Variants in EXOC4 observed in about 807,000 individuals in gnomAD.
The protein encoded by EXOC4 is SEC8-like 1.
A neutral mutation model predicts 107.2 loss-of-function variants in EXOC4; 71 were observed. The observed-to-expected ratio is 0.66, with a 90% CI of 0.55 to 0.81. The LOEUF (loss-of-function observed/expected upper bound fraction) is 0.81, where lower values mean the gene tolerates loss of function less well. Among genes scored for constraint, EXOC4 ranks in the 30% least tolerant of loss-of-function variants. The probability of loss-of-function intolerance (pLI) is 0.00; values close to 1 mark genes in which losing one functional copy is unlikely to be tolerated. For synonymous variants in EXOC4, 456 were observed against 441.2 expected (o/e 1.03, Z -0.42); for missense variants, 1,108 against 1,189.6 (o/e 0.93, Z 1.01).
intron 10 of EXOC4, among the ~76,000 whole-genome samples, chr7:133,798,500 C>T (rs935174245): frequency 1.3e-5 from 2 of 148,924 alleles, no homozygotes; most frequent in African/African-American, 4.9e-5. Flanking sequence ...TACCATATTT[C>T]AGACACTGTT....
intron 14 of EXOC4, among the ~76,000 whole-genome samples, chr7:133,966,873 A>G (rs374196594): frequency 2.0e-4 from 31 of 151,896 alleles, no homozygotes; most frequent in African/African-American, 6.3e-4. Flanking sequence ...CTCTTTTTCT[A>G]TTGTTTGGAA....
intron 9 of EXOC4, chr7:133,551,699 G>T (rs1237227867): frequency 6.6e-6 from 1 of 152,082 alleles, no homozygotes; most frequent in African/African-American, 2.4e-5. Flanking sequence ...TGCTTTTGGG[G>T]TTTATACCAC....
chr7:133,453,990 G>A (rs1464021392), intron 7 of EXOC4, among the ~76,000 whole-genome samples: 1 of 152,112 alleles, frequency 6.6e-6, no homozygotes, highest in Admixed American at 6.5e-5. Flanking sequence ...TTGCTTCCTA[G>A]TTGAGATCAA....
intron 9 of EXOC4, among the ~76,000 whole-genome samples, chr7:133,555,790 G>A (rs978390501): frequency 1.3e-5 from 2 of 152,132 alleles, no homozygotes; most frequent in Non-Finnish European, 2.9e-5. Context: ...TTGAATTTTT[G>A]TACCTTGTAT....
chr7:133,834,368 C>T lies in EXOC4; in HGVS notation c.1734+16824C>T, dbSNP rs190349903. Among the ~76,000 whole-genome samples the T allele has an allele frequency of 1.6e-4, 24 of 152,250 alleles. No individual in the cohort carries two copies. In the East Asian group the frequency reaches 4.4e-3, roughly 28 times the overall value. ...CTCTCCACTTCCTTTTAAGTGCCCA[C>T]CTTATCTTAAAAAAATCAAATGTTT... On this transcript the variant is annotated intron_variant, in intron 11 of 17. Transcript: ENST00000253861.
chr7:133,370,961 G>A (rs968886637), intron 6 of EXOC4, among the ~76,000 whole-genome samples: 3 of 152,110 alleles, frequency 2.0e-5, no homozygotes, highest in East Asian at 1.9e-4. Flanking sequence ...TTTTCATAAC[G>A]AAAGATGTAG....
intron 9 of EXOC4, among the ~76,000 whole-genome samples, chr7:133,609,059 T>A (rs1192508636): frequency 6.6e-6 from 1 of 152,186 alleles, no homozygotes; most frequent in African/African-American, 2.4e-5. Flanking sequence ...CCAGTCATTT[T>A]GTCATTTTAC....
chr7:133,321,721 A>G (rs1381972254), intron 5 of EXOC4, among the ~76,000 whole-genome samples: 1 of 152,168 alleles, frequency 6.6e-6, no homozygotes, highest in Non-Finnish European at 1.5e-5. Flanking sequence ...ACGATTTATA[A>G]TCTTTGGGTA....
intron 1 of EXOC4, among the ~76,000 whole-genome samples, chr7:133,260,533 C>A (rs1795124616): frequency 6.6e-6 from 1 of 152,226 alleles, no homozygotes; most frequent in African/African-American, 2.4e-5. Context: ...CTCGGCCTCC[C>A]AAAGTGCAGG....
At chr7:134,091,171 C>G in the EXOC4 span, among the ~76,000 whole-genome samples, 1 of 152,110 alleles carries the variant, frequency 6.6e-6, no homozygotes, top group Non-Finnish European at 1.5e-5. Flanking sequence ...CAGTGCAAAG[C>G]AAAAGCAAGT....
At chr7:133,254,679 G>A (rs1294722544) in intron 1 of EXOC4, among the ~76,000 whole-genome samples, 3 of 152,178 alleles carry the variant, frequency 2.0e-5, no homozygotes, top group Non-Finnish European at 2.9e-5. Context: ...GATGAAGCAG[G>A]CACAGTGTTA....
intron 11 of EXOC4, among the ~76,000 whole-genome samples, chr7:133,823,878 A>ATATATATATATAT (rs1797617295): frequency 6.1e-4 from 12 of 19,624 alleles, no homozygotes; most frequent in South Asian, 2.1e-3. Context: ...TATATTATAT[A>ATATATATATATAT]TATATATATA....
At chr7:133,955,103 G>A (rs1800783638) in intron 14 of EXOC4, among the ~76,000 whole-genome samples, 1 of 152,240 alleles carries the variant, frequency 6.6e-6, no homozygotes, top group African/African-American at 2.4e-5. Context: ...TGGTGAGCAA[G>A]GGGAGTGTCT....
chr7:133,832,990 C>T (rs1797841975), intron 11 of EXOC4, among the ~76,000 whole-genome samples: 1 of 152,046 alleles, frequency 6.6e-6, no homozygotes, highest in African/African-American at 2.4e-5. Context: ...TTCTTAGGCT[C>T]TCCTATAGAA....
intron 10 of EXOC4, among the ~76,000 whole-genome samples, chr7:133,790,298 T>C: frequency 6.6e-6 from 1 of 152,260 alleles, no homozygotes; most frequent in East Asian, 1.9e-4. Flanking sequence ...TCAGAGATTC[T>C]TCACCTGAGA....
At chr7:133,942,851 A>G (rs1215264972) in intron 14 of EXOC4, among the ~76,000 whole-genome samples, 1 of 152,210 alleles carries the variant, frequency 6.6e-6, no homozygotes, top group African/African-American at 2.4e-5. Flanking sequence ...GAATTATTGT[A>G]CAAACCCCTC....
At chr7:133,468,632 G>C (rs553025999) in intron 7 of EXOC4, among the ~76,000 whole-genome samples, 1 of 151,934 alleles carries the variant, frequency 6.6e-6, no homozygotes, top group Non-Finnish European at 1.5e-5. Flanking sequence ...ATCCTCCATT[G>C]GGTAAGACTA....
intron 9 of EXOC4, among the ~76,000 whole-genome samples, chr7:133,505,927 G>A (rs971144552): frequency 2.6e-5 from 4 of 152,048 alleles, no homozygotes; most frequent in African/African-American, 7.2e-5. Flanking sequence ...CTTACTCACC[G>A]TGCAGGCAGT....
chr7:133,375,257 C>T (rs1040019570), intron 7 of EXOC4, among the ~76,000 whole-genome samples: 1 of 152,174 alleles, frequency 6.6e-6, no homozygotes, highest in South Asian at 2.1e-4. Context: ...GGGTGGATCA[C>T]CTGAGGTCAG....
Sources: gnomAD v4.1 joint callset for allele counts (sites outside exome capture counted in the v4.1 genomes callset) on GRCh38, gnomAD v4.1.1 for gene constraint, MANE v1.5 for transcripts, NCBI Gene and HGNC (gene_info 2026-07-23, HGNC 2026-07-21) for gene names.